Variants in ABCC10 observed in about 807,000 individuals in gnomAD.
ABCC10 encodes the protein ATP-binding cassette sub-family C member 10.
A neutral mutation model predicts 143.2 loss-of-function variants in ABCC10; 110 were observed. The observed-to-expected ratio is 0.77, with a 90% CI of 0.66 to 0.90. ABCC10 has a LOEUF of 0.90. Among genes scored for constraint, ABCC10 ranks in the 40% least tolerant of loss-of-function variants. ABCC10 has a pLI of 0.00. For missense variants in ABCC10, 1,700 were observed against 1,900.5 expected (o/e 0.89, Z 1.96); for synonymous variants, 805 against 846.7 (o/e 0.95, Z 0.85).
In ABCC10 at chr6:43,445,253, C is replaced by A. The variant is rs1423122084; in HGVS notation, c.2969C>A (p.Ala990Glu). 4 of 1,613,938 alleles carry A rather than the reference C, an allele frequency of 2.5e-6. No homozygotes were observed. Among genetic ancestry groups the A allele is most frequent in the Non-Finnish European group, 3.4e-6 (4 of 1,180,008 alleles). Residue 990 changes from alanine (A) to glutamate (E), a missense_variant, in exon 14 of 22, where the codon GCA becomes GAA. Ala to Glu is a moderately radical substitution (Grantham distance 107, BLOSUM62 -1). Coordinates refer to ENST00000372530, the MANE Select transcript of ABCC10 (RefSeq NM_001198934.2). ...LCTLLRAVLFAAGTLQAAATL... is the reference protein window; with the variant it reads ...LCTLLRAVLFEAGTLQAAATL... ...ACCCTTCTCCGGGCAGTGCTCTTTG[C>A]AGCAGGCACCCTTCAAGCAGCTGCC... is the stretch of plus-strand genomic sequence containing the variant.
rs1418910824 is a variant in ABCC10 at position 43,435,841 on chromosome 6, T to TC, written c.1701dup (p.Asp569GlyfsTer123). ...CAATGGTCTCCTGGAGGCCAAAGTG[T>TC]CCTTGGACCGGATCCAGCTTTTCCT... On this transcript the variant is annotated frameshift_variant, in exon 5 of 22. Transcript: ENST00000372530. LOFTEE classifies it high-confidence loss of function. The TC allele has an allele frequency of 6.2e-7, 1 of 1,614,004 alleles. No individual in the cohort carries two copies. The highest frequency in any genetic ancestry group is 8.5e-7 in the Non-Finnish European group (1 of 1,180,038).
chr6:43,442,465 G>C (rs569088710), intron 9 of ABCC10, among the ~76,000 whole-genome samples: 40 of 152,244 alleles, frequency 2.6e-4, no homozygotes, highest in African/African-American at 9.1e-4. Context: ...CAGCTACTCG[G>C]GAGGCTGAGG....
chr6:43,433,994 C>T (rs189978325), intron 3 of ABCC10, among the ~76,000 whole-genome samples: 1 of 152,342 alleles, frequency 6.6e-6, no homozygotes, highest in South Asian at 2.1e-4. Flanking sequence ...GTTGTCGACC[C>T]TTAGTGGAAC....
intron 6 of ABCC10, among the ~76,000 whole-genome samples, chr6:43,437,517 C>T (rs1781877337): frequency 6.6e-6 from 1 of 151,150 alleles, no homozygotes; most frequent in South Asian, 2.1e-4. Flanking sequence ...TGCTTTTTCC[C>T]CTGAGATATG....
Position 43,442,921 on chromosome 6 carries a change from C to T in ABCC10, c.2227-49C>T, listed in dbSNP as rs775089468. On this transcript the variant is annotated intron_variant, in intron 9 of 21. Coordinates refer to ENST00000372530, the MANE Select transcript of ABCC10 (RefSeq NM_001198934.2). Reference sequence around the variant, plus strand: ...TCTCTGATCACTTTGAGATCTTCTCCGGAGAGCCTTTGGGTCCTGGTGCCC... The same window carrying T: ...TCTCTGATCACTTTGAGATCTTCTCTGGAGAGCCTTTGGGTCCTGGTGCCC... The T allele has an allele frequency of 2.8e-5, 41 of 1,473,026 alleles. No homozygotes were observed. In the South Asian group the frequency reaches 4.0e-4, roughly 15 times the overall value. The allele number at this position is 1,473,026 out of a possible 1,614,324, so 91.2% of individuals were successfully genotyped here. A position where few individuals can be genotyped will look rare whatever the true frequency, so the allele number is the denominator to read the frequency against.
chr6:43,441,724 C>T lies in ABCC10; in HGVS notation c.2128-138C>T, dbSNP rs564242562. 223 of 620,686 alleles carry T rather than the reference C, an allele frequency of 3.6e-4. 3 individuals carry two copies. In the South Asian group the frequency reaches 4.2e-3, roughly 12 times the overall value. The allele number at this position is 620,686 out of a possible 1,614,324, so 38.4% of individuals were successfully genotyped here. A position where few individuals can be genotyped will look rare whatever the true frequency, so the allele number is the denominator to read the frequency against. On this transcript the variant is annotated intron_variant, in intron 8 of 21. Transcript: ENST00000372530. ...TGGAATTATGTCTTGTCTCCTCTGACTAGCTCACCCCAAATTTAAGTCTAC... is the reference window on the plus strand; with the variant it reads ...TGGAATTATGTCTTGTCTCCTCTGATTAGCTCACCCCAAATTTAAGTCTAC...
rs374365131 is a variant in ABCC10, at chr6:43,444,359, A to G, written c.2689+6A>G. ...CTCTCTGCTTCTCATGCAAGGTGAGAGCGTGCCTGGGAGTCTCTTACATCG... is the reference window on the plus strand; with the variant it reads ...CTCTCTGCTTCTCATGCAAGGTGAGGGCGTGCCTGGGAGTCTCTTACATCG... On this transcript the variant is annotated splice_donor_region_variant and intron_variant, in intron 12 of 21. Transcript: ENST00000372530. 8 of 1,597,588 alleles carry G rather than the reference A, an allele frequency of 5.0e-6. No individual in the cohort carries two copies. Among genetic ancestry groups the G allele is most frequent in the Middle Eastern group, 3.7e-4 (2 of 5,424 alleles).
Position 43,445,705 on chromosome 6 carries a change from T to C in ABCC10, c.3137T>C (p.Leu1046Pro). 1 of 1,614,210 alleles carries C rather than the reference T, an allele frequency of 6.2e-7. No individual in the cohort carries two copies. Among genetic ancestry groups the C allele is most frequent in the Non-Finnish European group, 8.5e-7 (1 of 1,180,036 alleles). ...DDSLPFILNI[L>P]LANAAGLLGL... is the part of the protein sequence containing the mutation. ...AGCCTGCCCTTCATCCTCAACATCC[T>C]CCTGGCCAACGCGGCAGGCCTGCTG... Residue 1046 changes from leucine to proline, a missense_variant, in exon 15 of 22, where the codon CTC becomes CCC. Coordinates refer to ENST00000372530, the MANE Select transcript of ABCC10 (RefSeq NM_001198934.2).
chr6:43,430,466 T>C (rs934649649), intron 2 of ABCC10, among the ~76,000 whole-genome samples: 3 of 151,872 alleles, frequency 2.0e-5, no homozygotes, highest in Admixed American at 6.6e-5. Context: ...AGGTGGACTT[T>C]TAAGAAAACC....
intron 8 of ABCC10, among the ~76,000 whole-genome samples, chr6:43,440,265 G>A (rs1175753450): frequency 3.9e-5 from 6 of 152,042 alleles, no homozygotes; most frequent in Non-Finnish European, 8.8e-5. Flanking sequence ...CCCAGCTTTC[G>A]TAGGTTTTTA....
intron 8 of ABCC10, among the ~76,000 whole-genome samples, chr6:43,440,821 G>A (rs1378351480): frequency 9.1e-5 from 12 of 132,042 alleles, no homozygotes; most frequent in Non-Finnish European, 1.5e-4. Flanking sequence ...CCAAGATCGC[G>A]CCATTGTACT....
At chr6:43,430,186 G>A (rs1054955738) in intron 2 of ABCC10, among the ~76,000 whole-genome samples, 1 of 151,902 alleles carries the variant, frequency 6.6e-6, no homozygotes, top group African/African-American at 2.4e-5. Context: ...CACCTCTTGG[G>A]TTCAAGCGAT....
chr6:43,445,882 G>A lies in ABCC10; in HGVS notation c.3314G>A (p.Ser1105Asn), dbSNP rs563859978. Reference protein sequence around the residue: ...LGSLTLSPLYSHLADTLAGLS... With the variant: ...LGSLTLSPLYNHLADTLAGLS... ...AGCCTCACCCTGTCTCCACTGTATA[G>A]CCATCTGGCCGATACCTTGGCTGGC... is the stretch of plus-strand genomic sequence containing the variant. Residue 1105 changes from serine (S) to asparagine (N), a missense_variant, in exon 15 of 22, where the codon AGC becomes AAC. Transcript: ENST00000372530. 2.5e-6 allele frequency: 4 copies of A among 1,613,976 alleles called. No individual in the cohort carries two copies. Among genetic ancestry groups the A allele is most frequent in the African/African-American group, 2.7e-5 (2 of 75,052 alleles).
At chr6:43,442,835 C>A in intron 9 of ABCC10, 135 bp from the exon 10 acceptor site, 1 of 749,528 alleles carries the variant, frequency 1.3e-6, no homozygotes, top group African/African-American at 1.8e-5. Flanking sequence ...TGTCCACCCT[C>A]AGGTCTCACC....
At chr6:43,449,603 T>C in intron 21 of ABCC10, 69 bp downstream of exon 21, 1 of 1,332,022 alleles carries the variant, frequency 7.5e-7, no homozygotes. Flanking sequence ...TCCGTTGCTT[T>C]CAGGGACCCC....
intron 16 of ABCC10, chr6:43,446,715 A>G: frequency 7.7e-7 from 1 of 1,295,078 alleles, no homozygotes; most frequent in South Asian, 2.1e-5. Context: ...CGTCCCCACC[A>G]CACTGCCCCA....
rs967083802 is a variant in ABCC10 at position 43,438,887 on chromosome 6, T to G, written c.2127+92T>G. ...GAGCTTTGCTTTTCTGGAAAGGGGT[T>G]GCTTCTACTCGGGCATCACTTATCT... On this transcript the variant is annotated intron_variant, in intron 8 of 21. Coordinates refer to ENST00000372530, the MANE Select transcript of ABCC10 (RefSeq NM_001198934.2). 1.1e-5 allele frequency: 17 copies of G among 1,483,060 alleles called. No homozygotes were observed. The Admixed American group carries it at 2.1e-4, about 18-fold the overall frequency. The allele number at this position is 1,483,060 out of a possible 1,614,324, so 91.9% of individuals were successfully genotyped here. A position where few individuals can be genotyped will look rare whatever the true frequency, so the allele number is the denominator to read the frequency against.
Position 43,443,827 on chromosome 6 carries a change from G to A in ABCC10, c.2417-106G>A. The A allele has an allele frequency of 8.4e-7, 1 of 1,195,958 alleles. No individual in the cohort carries two copies. The highest frequency in any genetic ancestry group is 1.2e-6 in the Non-Finnish European group (1 of 804,900). The allele number at this position is 1,195,958 out of a possible 1,614,324, so 74.1% of individuals were successfully genotyped here. ...AGGGGTATCCTGCTAGGGTGGGTTAGACGGGGAGGCCTGAGAGGATGAGAG... is the reference window on the plus strand; with the variant it reads ...AGGGGTATCCTGCTAGGGTGGGTTAAACGGGGAGGCCTGAGAGGATGAGAG... On this transcript the variant is annotated intron_variant, in intron 10 of 21. Transcript: ENST00000372530. The surrounding 1 kb of genome is among the most constrained non-coding windows in gnomAD (Gnocchi z 4.2).
chr6:43,448,333 T>A (rs1157586676), intron 18 of ABCC10, among the ~76,000 whole-genome samples: 1 of 152,188 alleles, frequency 6.6e-6, no homozygotes, highest in Non-Finnish European at 1.5e-5. Context: ...AACCCTTCCT[T>A]ACCTCCAGGT....
Sources: gnomAD v4.1 joint callset for allele counts (sites outside exome capture counted in the v4.1 genomes callset) on GRCh38, gnomAD v4.1.1 for gene constraint, Gnocchi (gnomAD v3.1) non-coding constraint, MANE v1.5 for transcripts, NCBI Gene and HGNC (gene_info 2026-07-23, HGNC 2026-07-21) for gene names.